The following SPOPL variants were observed in gnomAD, a reference collection of about 807,000 sequenced individuals.
SPOPL encodes the protein speckle-type POZ protein-like.
SPOPL carries 23 observed loss-of-function variants against 53.8 expected under a neutral mutation model. The ratio of observed to expected loss-of-function variants is 0.43; its 90% CI spans 0.31 to 0.61. SPOPL has a LOEUF of 0.61. Ranked by LOEUF, SPOPL falls within the 20% of genes least tolerant of loss-of-function variation. The pLI, the probability that SPOPL is intolerant of heterozygous loss-of-function variation, is 0.12. For missense variants in SPOPL, 442 were observed against 466.9 expected (o/e 0.95, Z 0.49); for synonymous variants, 164 against 149.7 (o/e 1.10, Z -0.70).
At chr2:138,555,718 C>T (rs977625030) in intron 5 of SPOPL, among the ~76,000 whole-genome samples, 17 of 152,080 alleles carry the variant, frequency 1.1e-4, no homozygotes, top group Non-Finnish European at 1.5e-5. Context: ...TTAGAAGAGA[C>T]CCAAATTTTT....
At chr2:138,530,920 T>TA in intron 1 of SPOPL, among the ~76,000 whole-genome samples, 1 of 92,682 alleles carries the variant, frequency 1.1e-5, no homozygotes, top group East Asian at 3.7e-4. Context: ...TACTGTAGAG[T>TA]GAGTGTGTGT....
At chr2:138,555,200 G>A (rs944949525) in intron 5 of SPOPL, among the ~76,000 whole-genome samples, 1 of 150,476 alleles carries the variant, frequency 6.6e-6, no homozygotes, top group Non-Finnish European at 1.5e-5. Flanking sequence ...TAAACTCATT[G>A]TCTCAGTAAA....
At chr2:138,545,002 G>A (rs895261834) in intron 1 of SPOPL, among the ~76,000 whole-genome samples, 3 of 151,994 alleles carry the variant, frequency 2.0e-5, no homozygotes, top group Admixed American at 1.3e-4. Flanking sequence ...ACGGTTTTTT[G>A]CCTGGTCATT....
intron 1 of SPOPL, among the ~76,000 whole-genome samples, chr2:138,505,393 G>T (rs1684193051): frequency 6.6e-6 from 1 of 151,896 alleles, no homozygotes; most frequent in Non-Finnish European, 1.5e-5. Flanking sequence ...CCAGTCTCTG[G>T]TGACATGTAA....
rs916993435 is a variant in SPOPL, at chr2:138,565,031, C to T, written c.1034+38C>T. 3 of 1,610,876 alleles carry T rather than the reference C, an allele frequency of 1.9e-6. No homozygotes were observed. In the African/African-American group the frequency reaches 4.0e-5, roughly 22 times the overall value. Reference sequence around the variant, plus strand: ...CAGTTTCTGACTCAAAGTTGCTCTACATAAGTGAGATTAAGTGTTTGCATA... The same window carrying T: ...CAGTTTCTGACTCAAAGTTGCTCTATATAAGTGAGATTAAGTGTTTGCATA... On this transcript the variant is annotated intron_variant, in intron 10 of 10. Coordinates refer to ENST00000280098, the MANE Select transcript of SPOPL (RefSeq NM_001001664.3).
intron 5 of SPOPL, among the ~76,000 whole-genome samples, chr2:138,553,745 A>G (rs1685362758): frequency 6.6e-6 from 1 of 152,142 alleles, no homozygotes; most frequent in Admixed American, 6.5e-5. Flanking sequence ...TGAATTTATT[A>G]TGAATACAAT....
intron 1 of SPOPL, among the ~76,000 whole-genome samples, chr2:138,533,984 A>G (rs1684873146): frequency 6.6e-6 from 1 of 152,180 alleles, no homozygotes; most frequent in African/African-American, 2.4e-5. Flanking sequence ...AATTTTGATA[A>G]TGCTCTTTAG....
intron 4 of SPOPL, among the ~76,000 whole-genome samples, chr2:138,551,749 A>T (rs1360573650): frequency 6.6e-6 from 1 of 152,000 alleles, no homozygotes; most frequent in East Asian, 1.9e-4. Flanking sequence ...ACATTGTCTC[A>T]CCTTAAGATA....
intron 1 of SPOPL, among the ~76,000 whole-genome samples, chr2:138,525,513 GC>G (rs1684651462): frequency 6.6e-6 from 1 of 151,962 alleles, no homozygotes; most frequent in Admixed American, 6.6e-5. Flanking sequence ...ACTTAATAGT[GC>G]TTTTTTAAAA....
intron 10 of SPOPL, among the ~76,000 whole-genome samples, chr2:138,565,789 A>G (rs559966522): frequency 6.7e-6 from 1 of 150,332 alleles, no homozygotes; most frequent in African/African-American, 2.5e-5. Flanking sequence ...GCTGGAGTGC[A>G]GTGGTGTGAT....
chr2:138,546,599 G>T (rs991884555), intron 1 of SPOPL, among the ~76,000 whole-genome samples: 1 of 152,126 alleles, frequency 6.6e-6, no homozygotes, highest in African/African-American at 2.4e-5. Context: ...GTCCTCATTT[G>T]TAAAATAAGA....
rs556999147 is a variant in SPOPL, at chr2:138,542,110, T to C, written c.-60-8047T>C. On this transcript the variant is annotated intron_variant, in intron 1 of 10. Transcript: ENST00000280098. The stretch of plus-strand genomic sequence containing the variant: ...CACTGTGGTCTGAGAGAGTTTGTTA[T>C]AATTTCTGTTCTTTTACATATGCTG... 8.5e-5 allele frequency among the ~76,000 whole-genome samples: 13 copies of C among 152,352 alleles called. No individual in the cohort carries two copies. In the South Asian group the frequency reaches 2.1e-3, roughly 24 times the overall value.
chr2:138,547,641 T>C (rs1029082459), intron 1 of SPOPL, among the ~76,000 whole-genome samples: 10 of 152,142 alleles, frequency 6.6e-5, no homozygotes, highest in African/African-American at 2.4e-4. Flanking sequence ...CTTATATTTC[T>C]GTATTAATTA....
Position 138,559,094 on chromosome 2 carries a change from C to A in SPOPL, c.553C>A (p.Arg185Ser). Residue 185 changes from arginine to serine, a missense_variant, in exon 6 of 11, where the codon CGT (arginine) becomes AGT (serine). Physicochemically the swap from Arg to Ser is moderately radical, Grantham distance 110 (BLOSUM62 -1). Transcript: ENST00000280098. The part of the protein sequence containing the change: ...NTNTLKVPEC[R>S]LAEDLGNLWE... ...AAATACTTTGAAGGTGCCTGAGTGT[C>A]GTCTAGCAGAAGATTTAGGTAATCT... is the stretch of plus-strand genomic sequence containing the variant. The A allele has an allele frequency of 6.2e-7, 1 of 1,613,444 alleles. No homozygotes were observed. Among genetic ancestry groups the A allele is most frequent in the South Asian group, 1.1e-5 (1 of 90,992 alleles).
chr2:138,508,182 C>T (rs909475387), intron 1 of SPOPL, among the ~76,000 whole-genome samples: 23 of 152,012 alleles, frequency 1.5e-4, no homozygotes, highest in Non-Finnish European at 2.2e-4. Context: ...TCTCTTGGAC[C>T]ATGGGTAGAA....
In SPOPL at chr2:138,519,405, A is replaced by G. The variant is rs150522326; in HGVS notation, c.-61+17286A>G. On this transcript the variant is annotated intron_variant, in intron 1 of 10. Transcript: ENST00000280098. ...TTTTCACTTAAAAATTCTGGATTCA[A>G]TTTCTGATTTGTTGGGCTTTAAAAA... Among the ~76,000 whole-genome samples the G allele has an allele frequency of 5.7e-3, 834 of 147,526 alleles. 10 individuals are homozygous for G. The highest frequency in any genetic ancestry group is 0.019 in the African/African-American group (791 of 40,640).
At chr2:138,513,827 A>AT (rs1195884787) in intron 1 of SPOPL, among the ~76,000 whole-genome samples, 1 of 152,080 alleles carries the variant, frequency 6.6e-6, no homozygotes, top group Non-Finnish European at 1.5e-5. Context: ...ATGTAAAAAA[A>AT]TTAATTAGCA....
rs1684444510 is a variant in SPOPL, at chr2:138,516,689, A to G, written c.-61+14570A>G. Among the ~76,000 whole-genome samples the G allele has an allele frequency of 2.6e-5, 4 of 152,288 alleles. No homozygotes were observed. In the South Asian group the frequency reaches 8.3e-4, roughly 32 times the overall value. ...AGGTGAGCCCATGATAGCCAGGGAA[A>G]AGAGGGGAAGAGGGTATAGCATTTG... On this transcript the variant is annotated intron_variant, in intron 1 of 10. Transcript: ENST00000280098.
rs754294694 is a variant in SPOPL, at chr2:138,559,348, C to T, written c.714+11C>T. On this transcript the variant is annotated intron_variant, in intron 7 of 10. Coordinates refer to ENST00000280098, the MANE Select transcript of SPOPL (RefSeq NM_001001664.3). The stretch of plus-strand genomic sequence containing the variant: ...GAAGAAAGCAAAAAGGTAAACATGG[C>T]TTAAAGGCTAATATTGAATTTATAT... 6.9e-6 allele frequency: 11 copies of T among 1,602,990 alleles called. No individual in the cohort carries two copies. The highest frequency in any genetic ancestry group is 3.5e-5 in the Admixed American group (2 of 57,920).
Sources: gnomAD v4.1 joint callset for allele counts (sites outside exome capture counted in the v4.1 genomes callset) on GRCh38, gnomAD v4.1.1 for gene constraint, MANE v1.5 for transcripts, NCBI Gene and HGNC (gene_info 2026-07-23, HGNC 2026-07-21) for gene names.